The following MAP2K2 variants were observed in gnomAD, a reference collection of about 807,000 sequenced individuals.
MAP2K2 encodes mitogen-activated protein kinase kinase 2, also known as dual specificity mitogen-activated protein kinase kinase 2.
Under a neutral mutation model 43.7 loss-of-function variants are expected in MAP2K2, and 24 were observed. The ratio of observed to expected loss-of-function variants is 0.55; its 90% CI spans 0.40 to 0.77. The LOEUF is 0.77. Among genes scored for constraint, MAP2K2 ranks in the 30% least tolerant of loss-of-function variants. The pLI is 0.00. For synonymous variants in MAP2K2, 244 were observed against 239.7 expected, an observed-to-expected ratio of 1.02 and a Z score of -0.17; for missense variants, 470 against 566.8, an observed-to-expected ratio of 0.83 and a Z score of 1.73.
intron 1 of MAP2K2, among the ~76,000 whole-genome samples, chr19:4,123,275 C>T (rs535025293): frequency 4.0e-5 from 6 of 151,442 alleles, no homozygotes; most frequent in African/African-American, 1.2e-4. Flanking sequence ...AGGGACTCCC[C>T]TCACCCCAGC....
At chr19:4,118,163 C>A (rs1286115777) in intron 1 of MAP2K2, among the ~76,000 whole-genome samples, 1 of 152,146 alleles carries the variant, frequency 6.6e-6, no homozygotes, top group African/African-American at 2.4e-5. Flanking sequence ...GTCTCCAACT[C>A]CTGACATTGA....
intron 9 of MAP2K2, chr19:4,094,803 A>C: frequency 2.5e-5 from 11 of 446,300 alleles, no homozygotes; most frequent in Non-Finnish European, 3.3e-5. Context: ...GTCTAATAAA[A>C]CCCCAGGCCC....
intron 3 of MAP2K2, 21 bp from the exon 4 acceptor site, chr19:4,102,474 G>A (rs1414120118): frequency 3.8e-6 from 6 of 1,564,144 alleles, no homozygotes; most frequent in Non-Finnish European, 4.4e-6. Flanking sequence ...CACAAGGAGT[G>A]AGTGCAGGCT....
At chr19:4,119,218 T>A (rs960950070) in intron 1 of MAP2K2, among the ~76,000 whole-genome samples, 15 of 152,056 alleles carry the variant, frequency 9.9e-5, no homozygotes, top group East Asian at 1.9e-4. Context: ...TTAATTAATT[T>A]TTATTATTAT....
At chr19:4,114,973 T>C (rs566638187) in intron 2 of MAP2K2, among the ~76,000 whole-genome samples, 29 of 151,996 alleles carry the variant, frequency 1.9e-4, no homozygotes, top group Non-Finnish European at 4.0e-4. Context: ...TAAGATGAAA[T>C]GAAAGGAGCC....
intron 10 of MAP2K2, among the ~76,000 whole-genome samples, chr19:4,093,967 G>C (rs1029883939): frequency 6.6e-6 from 1 of 152,116 alleles, no homozygotes; most frequent in Non-Finnish European, 1.5e-5. Flanking sequence ...CTGGGGAGGC[G>C]AGTTTTGGTG....
intron 8 of MAP2K2, among the ~76,000 whole-genome samples, chr19:4,096,950 G>C (rs1053198491): frequency 6.6e-6 from 1 of 151,220 alleles, no homozygotes; most frequent in Non-Finnish European, 1.5e-5. Flanking sequence ...ATTGGTTCAA[G>C]AATTGCTTGA....
At chr19:4,099,077 G>C in intron 7 of MAP2K2, 124 bp downstream of exon 7, 2 of 808,674 alleles carry the variant, frequency 2.5e-6, no homozygotes, top group Non-Finnish European at 4.0e-6. Context: ...GACCACAGTC[G>C]GCACCATCCA....
Position 4,101,263 on chromosome 19 carries a change from C to A in MAP2K2, c.546G>T (p.Ala182=), listed in dbSNP as rs141402203. Residue 182 remains alanine (A), a synonymous_variant, in exon 5 of 11, where the codon GCG becomes GCT. Transcript: ENST00000262948. This position sits in a 1 kb window ranked among gnomAD's most constrained non-coding sequence, Gnocchi z 6.3. ...TGATCTGGTGCTTCTCTCGGAGGTA[C>A]GCCAAGCCCCGGAGAACCTGCAGGG... is the stretch of plus-strand genomic sequence containing the variant. ...KVSIAVLRGL[A]YLREKHQIMH... The A allele has an allele frequency of 2.5e-6, 4 of 1,582,534 alleles. No homozygotes were observed. In the African/African-American group the frequency reaches 5.4e-5, roughly 21 times the overall value.
intron 10 of MAP2K2, among the ~76,000 whole-genome samples, chr19:4,091,926 G>C (rs973890065): frequency 2.0e-5 from 3 of 152,196 alleles, no homozygotes; most frequent in Admixed American, 6.5e-5. Context: ...CGGGATTACA[G>C]GTGTGAGCCA....
intron 1 of MAP2K2, among the ~76,000 whole-genome samples, chr19:4,118,726 G>A (rs759750787): frequency 7.9e-5 from 12 of 152,202 alleles, no homozygotes; most frequent in Non-Finnish European, 1.6e-4. Context: ...AGACTGCAGT[G>A]AGCCATGATC....
In MAP2K2 at chr19:4,115,209, C is replaced by G. The variant is rs1311736068; in HGVS notation, c.303+2210G>C. Among the ~76,000 whole-genome samples the G allele has an allele frequency of 6.6e-6, 1 of 152,208 alleles. No homozygotes were observed. Among genetic ancestry groups the G allele is most frequent in the African/African-American group, 2.4e-5 (1 of 41,446 alleles). ...GGAAGGACAGTACTGACACCCAGAG[C>G]TGATGCTGGGACATCTCCACCCACC... is the stretch of plus-strand genomic sequence containing the variant. On this transcript the variant is annotated intron_variant, in intron 2 of 10. Transcript: ENST00000262948. This position sits in a 1 kb window ranked among gnomAD's most constrained non-coding sequence, Gnocchi z 4.1.
At chr19:4,109,481 C>T (rs898054054) in intron 3 of MAP2K2, among the ~76,000 whole-genome samples, 14 of 152,156 alleles carry the variant, frequency 9.2e-5, no homozygotes, top group Middle Eastern at 3.2e-3. Context: ...CTCTGCTGCC[C>T]GGGCTGGAGT....
At chr19:4,105,624 C>T (rs1375638524) in intron 3 of MAP2K2, among the ~76,000 whole-genome samples, 1 of 152,124 alleles carries the variant, frequency 6.6e-6, no homozygotes, top group African/African-American at 2.4e-5. Flanking sequence ...CTGGACGCCG[C>T]ATCACTTCCA....
chr19:4,099,111 G>A lies in MAP2K2; in HGVS notation c.919+90C>T, dbSNP rs2040962019. 8.1e-6 allele frequency: 9 copies of A among 1,108,060 alleles called. No individual in the cohort carries two copies. In the South Asian group the frequency reaches 1.2e-4, roughly 15 times the overall value. 68.6% of individuals were successfully genotyped at this position (1,108,060 alleles called of 1,614,324 possible). Reference sequence around the variant, plus strand: ...CAGGGGGACAGGTGGTGCGCCAGGGGCAGAGGGGAGGCAGCTGCTGACCCT... The same window carrying A: ...CAGGGGGACAGGTGGTGCGCCAGGGACAGAGGGGAGGCAGCTGCTGACCCT... On this transcript the variant is annotated intron_variant, in intron 7 of 10. Coordinates refer to ENST00000262948, the MANE Select transcript of MAP2K2 (RefSeq NM_030662.4).
intron 1 of MAP2K2, among the ~76,000 whole-genome samples, 168 bp downstream of exon 1, chr19:4,123,590 CGTCCTCCCCCGAGGGTCCCCTGCCCT>C (rs1568266612): frequency 1.0e-4 from 11 of 109,910 alleles, no homozygotes; most frequent in African/African-American, 2.2e-4. Context: ...CCCCCTGCCC[CGTCCTCCCCCGAGGGTCCCCTGCCCT>C]GTCCTCCCCT....
At chr19:4,097,205 T>TTAAAA in intron 8 of MAP2K2, 74 bp downstream of exon 8, 1 of 570,542 alleles carries the variant, frequency 1.8e-6, no homozygotes. Flanking sequence ...AGACTCTGCC[T>TTAAAA]AAAAAAAAAA....
chr19:4,117,291 G>T (rs996158897), intron 2 of MAP2K2, 128 bp downstream of exon 2: 51 of 899,034 alleles, frequency 5.7e-5, no homozygotes, highest in Non-Finnish European at 6.9e-6. Context: ...AGAGTCCCTG[G>T]TGGGGATGAG....
At chr19:4,098,837 C>A (rs752976969) in intron 7 of MAP2K2, among the ~76,000 whole-genome samples, 36 of 152,272 alleles carry the variant, frequency 2.4e-4, no homozygotes, top group Admixed American at 9.2e-4. Flanking sequence ...GTGTCACCTG[C>A]AGAATGCAGG....
Sources: gnomAD v4.1 joint callset for allele counts (sites outside exome capture counted in the v4.1 genomes callset) on GRCh38, gnomAD v4.1.1 for gene constraint, Gnocchi (gnomAD v3.1) non-coding constraint, MANE v1.5 for transcripts, NCBI Gene and HGNC (gene_info 2026-07-23, HGNC 2026-07-21) for gene names.